The following PGR variants were observed in gnomAD, a reference collection of about 807,000 sequenced individuals.
PGR encodes the protein progesterone receptor.
PGR carries 25 observed loss-of-function variants against 76.1 expected under a neutral mutation model. That is an observed-to-expected ratio of 0.33 (90% CI 0.24 to 0.46). The LOEUF (loss-of-function observed/expected upper bound fraction) is 0.46. Ranked by LOEUF, PGR falls within the 20% of genes least tolerant of loss-of-function variation. PGR has a pLI of 1.00. For synonymous variants in PGR, 579 were observed against 535.0 expected, an observed-to-expected ratio of 1.08 and a Z score of -1.14; for missense variants, 1,172 against 1,225.3, an observed-to-expected ratio of 0.96 and a Z score of 0.65.
chr11:101,042,951 G>A (rs533808453), intron 6 of PGR, among the ~76,000 whole-genome samples: 1 of 152,288 alleles, frequency 6.6e-6, no homozygotes, highest in East Asian at 1.9e-4. Flanking sequence ...CTGTTGGAGG[G>A]TGTTGTCTAA....
intron 6 of PGR, among the ~76,000 whole-genome samples, chr11:101,048,594 A>G (rs1591370905): frequency 6.6e-6 from 1 of 152,284 alleles, no homozygotes; most frequent in East Asian, 1.9e-4. Context: ...TAAAAATCCA[A>G]TATAAAAGAT....
chr11:101,074,963 G>GA, intron 3 of PGR, among the ~76,000 whole-genome samples: 1 of 152,154 alleles, frequency 6.6e-6, no homozygotes, highest in Admixed American at 6.5e-5. Flanking sequence ...CATAGAATTA[G>GA]AAAAAACTAC....
chr11:101,078,093 G>A (rs1861182575), intron 3 of PGR, among the ~76,000 whole-genome samples: 1 of 151,924 alleles, frequency 6.6e-6, no homozygotes, highest in African/African-American at 2.4e-5. Flanking sequence ...TGTAGGAGGA[G>A]AAAACAAAAA....
At chr11:101,052,689 G>A (rs1392592055) in intron 4 of PGR, among the ~76,000 whole-genome samples, 1 of 152,100 alleles carries the variant, frequency 6.6e-6, no homozygotes, top group Admixed American at 6.6e-5. Flanking sequence ...TACTGTCAAA[G>A]CCCAGGTGAG....
intron 4 of PGR, among the ~76,000 whole-genome samples, chr11:101,057,730 G>A (rs1395516481): frequency 6.6e-6 from 1 of 152,096 alleles, no homozygotes; most frequent in South Asian, 2.1e-4. Flanking sequence ...TGGGTAAGGG[G>A]TGAAGGAGAA....
chr11:101,089,483 C>T (rs1343953387), intron 3 of PGR, among the ~76,000 whole-genome samples: 2 of 152,164 alleles, frequency 1.3e-5, no homozygotes, highest in East Asian at 1.9e-4. Context: ...TGCTTAATAT[C>T]TTTCCACAGC....
At chr11:101,070,954 C>A (rs938809652) in intron 3 of PGR, among the ~76,000 whole-genome samples, 1 of 152,216 alleles carries the variant, frequency 6.6e-6, no homozygotes. Flanking sequence ...GATCTCCCAG[C>A]GCAGTGCTCA....
chr11:101,062,130 T>G (rs1860524390), intron 4 of PGR, among the ~76,000 whole-genome samples: 1 of 152,220 alleles, frequency 6.6e-6, no homozygotes, highest in Non-Finnish European at 1.5e-5. Context: ...TTATAAAAAA[T>G]GGTCCATTTA....
chr11:101,082,963 A>C (rs1223660480), intron 3 of PGR, among the ~76,000 whole-genome samples: 1 of 152,220 alleles, frequency 6.6e-6, no homozygotes, highest in Non-Finnish European at 1.5e-5. Flanking sequence ...ACAATGGGGA[A>C]AATGTCTCCA....
In PGR at chr11:101,031,840, G is replaced by T. The variant is rs1859363280; in HGVS notation, c.*7276C>A. 8.7e-6 allele frequency: 2 copies of T among 229,062 alleles called. No individual in the cohort carries two copies. Among genetic ancestry groups the T allele is most frequent in the East Asian group, 1.2e-4 (2 of 16,036 alleles). The allele number at this position is 229,062 out of a possible 1,614,324, so 14.2% of individuals were successfully genotyped here. A position where few individuals can be genotyped will look rare whatever the true frequency, so the allele number is the denominator to read the frequency against. On this transcript the variant is annotated 3_prime_UTR_variant, in exon 8 of 8. Transcript: ENST00000325455. ...ATGAGTTAGGTGAATTCCTCTCGAG[G>T]TTCCAAGAATCTATACAAAGAATGT...
chr11:101,118,777 A>G (rs1334030400), intron 2 of PGR, among the ~76,000 whole-genome samples: 1 of 152,236 alleles, frequency 6.6e-6, no homozygotes, highest in Admixed American at 6.5e-5. Context: ...TGCATTATAT[A>G]GTTAATTATA....
chr11:101,035,256 C>A lies in PGR; in HGVS notation c.*3860G>T. ...ATTTGAAAAAAAATGTATGTTTTGG[C>A]AAGTTTTGAATGCTTCTTATGCACA... On this transcript the variant is annotated 3_prime_UTR_variant, in exon 8 of 8. Transcript: ENST00000325455. 1 of 225,668 alleles carries A rather than the reference C, an allele frequency of 4.4e-6. No homozygotes were observed. The highest frequency in any genetic ancestry group is 8.8e-6 in the Non-Finnish European group (1 of 113,438). 14.0% of individuals were successfully genotyped at this position (225,668 alleles called of 1,614,324 possible).
At chr11:101,080,335 A>G (rs923222192) in intron 3 of PGR, among the ~76,000 whole-genome samples, 6 of 152,250 alleles carry the variant, frequency 3.9e-5, no homozygotes, top group African/African-American at 1.4e-4. Context: ...TGCTGAAAGA[A>G]GCACATAGGG....
rs1293786886 is a variant in PGR at position 101,128,011 on chromosome 11, C to G, written c.1060G>C (p.Ala354Pro). The G allele has an allele frequency of 6.2e-7, 1 of 1,610,340 alleles. No individual in the cohort carries two copies. Among genetic ancestry groups the G allele is most frequent in the Non-Finnish European group, 8.5e-7 (1 of 1,179,832 alleles). Residue 354 changes from alanine to proline, a missense_variant, in exon 1 of 8, where the codon GCT becomes CCT. By Grantham distance (27) the Ala-to-Pro change is conservative. Transcript: ENST00000325455. The part of the protein sequence containing the change: ...SSPCASSTPV[A>P]VGDFPDCAYP... Reference sequence around the variant, plus strand: ...GCGCAGTCGGGGAAGTCGCCTACAGCGACCGGGGTGGACGAGGCACAGGGT... The same window carrying G: ...GCGCAGTCGGGGAAGTCGCCTACAGGGACCGGGGTGGACGAGGCACAGGGT...
At chr11:101,042,572 A>C (rs1037624597) in intron 6 of PGR, among the ~76,000 whole-genome samples, 2 of 151,902 alleles carry the variant, frequency 1.3e-5, no homozygotes, top group Non-Finnish European at 2.9e-5. Flanking sequence ...TTCCTAGATG[A>C]TTTATCTTTT....
In PGR at chr11:101,051,572, C is replaced by G. The variant is rs577384408; in HGVS notation, c.2213-4G>C. On this transcript the variant is annotated splice_region_variant and splice_polypyrimidine_tract_variant and intron_variant, in intron 4 of 7. Transcript: ENST00000325455. ...TCAATATGTAAGTTTCGAAAACCTA[C>G]AAAACAAATTTAAAAATACAGTGAC... 1 of 1,595,120 alleles carries G rather than the reference C, an allele frequency of 6.3e-7. No homozygotes were observed. The highest frequency in any genetic ancestry group is 1.7e-5 in the Admixed American group (1 of 59,878).
chr11:101,107,261 C>CT lies in PGR; in HGVS notation c.1790-15386dup, dbSNP rs1449133163. On this transcript the variant is annotated intron_variant, in intron 2 of 7. Transcript: ENST00000325455. ...ATGTCATCATTCTAAATAATGTGTT[C>CT]TTTTTTCTTCCCTTCAACTATCTTA... 2.0e-5 allele frequency among the ~76,000 whole-genome samples: 3 copies of CT among 152,048 alleles called. No homozygotes were observed. The East Asian group carries it at 5.8e-4, about 29-fold the overall frequency.
chr11:101,068,239 A>G (rs1425221607), intron 3 of PGR, among the ~76,000 whole-genome samples: 1 of 152,172 alleles, frequency 6.6e-6, no homozygotes, highest in Non-Finnish European at 1.5e-5. Context: ...AGACAAACAG[A>G]GAGCCAAATC....
rs1861277254 is a variant in PGR, at chr11:101,080,718, A to G, written c.1906+11042T>C. On this transcript the variant is annotated intron_variant, in intron 3 of 7. Coordinates refer to ENST00000325455, the MANE Select transcript of PGR (RefSeq NM_000926.4). Reference sequence around the variant, plus strand: ...TTCATTGTAATCAAAGACAAGGTTGAAAACCAACATAAACTTCTAAAGCAA... The same window carrying G: ...TTCATTGTAATCAAAGACAAGGTTGGAAACCAACATAAACTTCTAAAGCAA... Among the ~76,000 whole-genome samples the G allele has an allele frequency of 2.6e-5, 4 of 152,130 alleles. No homozygotes were observed. The South Asian group carries it at 6.2e-4, about 24-fold the overall frequency.
Sources: gnomAD v4.1 joint callset for allele counts (sites outside exome capture counted in the v4.1 genomes callset) on GRCh38, gnomAD v4.1.1 for gene constraint, MANE v1.5 for transcripts, NCBI Gene and HGNC (gene_info 2026-07-23, HGNC 2026-07-21) for gene names.